Variants in SLC24A2 observed in about 807,000 individuals in gnomAD.
The protein encoded by SLC24A2 is solute carrier family 24 member 2, also known as sodium/potassium/calcium exchanger 2.
SLC24A2 carries 36 observed loss-of-function variants against 62.0 expected under a neutral mutation model. The observed-to-expected ratio is 0.58, with a 90% confidence interval of 0.44 to 0.77. The LOEUF is 0.77. Ranked by LOEUF, SLC24A2 falls within the 30% of genes least tolerant of loss-of-function variation. SLC24A2 has a pLI of 0.00. For synonymous variants in SLC24A2, 358 were observed against 294.0 expected (o/e 1.22, Z -2.23); for missense variants, 846 against 817.9 (o/e 1.03, Z -0.42).
At chr9:19,898,494 G>A in the SLC24A2 span, among the ~76,000 whole-genome samples, 9 of 152,172 alleles carry the variant, frequency 5.9e-5, no homozygotes, top group African/African-American at 1.9e-4. Context: ...TGTAATTCCA[G>A]CACTTTGGGA....
chr9:20,203,837 C>G, the SLC24A2 span, among the ~76,000 whole-genome samples: 1 of 152,184 alleles, frequency 6.6e-6, no homozygotes, highest in Non-Finnish European at 1.5e-5. Flanking sequence ...GCTGGGTTCG[C>G]CTATGGTATA....
chr9:20,088,411 A>T, the SLC24A2 span, among the ~76,000 whole-genome samples: 2 of 152,304 alleles, frequency 1.3e-5, no homozygotes, highest in South Asian at 4.1e-4. Context: ...CCTCCGACAC[A>T]GTGCAGCAGC....
rs1247832212 is a variant in SLC24A2, at chr9:19,511,291, CAG to C, written c.*4860_*4861del. The C allele has an allele frequency of 1.3e-5, 2 of 152,022 alleles. No individual in the cohort carries two copies. Among genetic ancestry groups the C allele is most frequent in the Non-Finnish European group, 2.9e-5 (2 of 68,028 alleles). The allele number at this position is 152,022 out of a possible 1,614,324, so 9.4% of individuals were successfully genotyped here. A position where few individuals can be genotyped will look rare whatever the true frequency, so the allele number is the denominator to read the frequency against. On this transcript the variant is annotated 3_prime_UTR_variant, in exon 11 of 11. Transcript: ENST00000341998. ...TGAGATTAAAAATGAAACGCAAAGA[CAG>C]AGGCAGAGGCAGAGTCAGGGAGCTA... is the stretch of plus-strand genomic sequence containing the variant.
chr9:19,695,679 C>CAAAAAAAAAA (rs66668393), intron 2 of SLC24A2, among the ~76,000 whole-genome samples: 3 of 73,536 alleles, frequency 4.1e-5, no homozygotes, highest in Admixed American at 1.8e-4. Flanking sequence ...TTGTTAGTAG[C>CAAAAAAAAAA]AAAAAAAAAA....
At chr9:20,131,759 T>G in the SLC24A2 span, among the ~76,000 whole-genome samples, 1 of 152,208 alleles carries the variant, frequency 6.6e-6, no homozygotes, top group East Asian at 1.9e-4. Context: ...TTTTCTTAAT[T>G]TATAAGCAGA....
chr9:19,731,777 G>T (rs1461566994), intron 2 of SLC24A2, among the ~76,000 whole-genome samples: 1 of 152,144 alleles, frequency 6.6e-6, no homozygotes, highest in African/African-American at 2.4e-5. Context: ...CAAGTACAGG[G>T]TTGACACCAA....
intron 2 of SLC24A2, among the ~76,000 whole-genome samples, chr9:19,712,223 A>C (rs1181562203): frequency 6.6e-6 from 1 of 152,186 alleles, no homozygotes; most frequent in South Asian, 2.1e-4. Context: ...TGGCTAGTAC[A>C]CTGGAGGAAC....
chr9:20,042,353 G>C, the SLC24A2 span, among the ~76,000 whole-genome samples: 1 of 152,212 alleles, frequency 6.6e-6, no homozygotes, highest in South Asian at 2.1e-4. Context: ...GAATATCTGA[G>C]AAAGCATCAA....
At chr9:20,196,599 C>T in the SLC24A2 span, among the ~76,000 whole-genome samples, 11 of 152,296 alleles carry the variant, frequency 7.2e-5, no homozygotes, top group East Asian at 1.7e-3. Flanking sequence ...TAAATATAAA[C>T]TCCCCTACAG....
the SLC24A2 span, among the ~76,000 whole-genome samples, chr9:19,979,003 T>A: frequency 6.6e-6 from 1 of 152,172 alleles, no homozygotes; most frequent in Non-Finnish European, 1.5e-5. Context: ...TGTGTTGGCA[T>A]GTGTGTGCTC....
At chr9:19,521,880 T>C (rs1052945636) in intron 9 of SLC24A2, among the ~76,000 whole-genome samples, 4 of 151,988 alleles carry the variant, frequency 2.6e-5, no homozygotes, top group Admixed American at 6.5e-5. Flanking sequence ...TTTTCTTTTT[T>C]TTTTTTTGGT....
At chr9:19,551,604 A>C (rs1414835461) in intron 7 of SLC24A2, among the ~76,000 whole-genome samples, 2 of 152,108 alleles carry the variant, frequency 1.3e-5, no homozygotes, top group Non-Finnish European at 2.9e-5. Flanking sequence ...AGACCATATA[A>C]ATAACTTTAG....
At chr9:19,675,854 C>A (rs1340878178) in intron 2 of SLC24A2, among the ~76,000 whole-genome samples, 1 of 152,298 alleles carries the variant, frequency 6.6e-6, no homozygotes, top group East Asian at 1.9e-4. Flanking sequence ...CTATTCACCC[C>A]CTCCCCTGAC....
the SLC24A2 span, among the ~76,000 whole-genome samples, chr9:19,901,233 A>G: frequency 6.6e-6 from 1 of 152,250 alleles, no homozygotes; most frequent in Admixed American, 6.5e-5. Flanking sequence ...AGAGATGTTT[A>G]CAAGATATAA....
At chr9:20,049,021 T>C in the SLC24A2 span, among the ~76,000 whole-genome samples, 2 of 152,340 alleles carry the variant, frequency 1.3e-5, no homozygotes, top group East Asian at 3.8e-4. Context: ...CATGTTGGTG[T>C]GCTGCACCCA....
the SLC24A2 span, among the ~76,000 whole-genome samples, chr9:19,889,574 T>G: frequency 6.6e-6 from 1 of 152,172 alleles, no homozygotes; most frequent in Admixed American, 6.5e-5. Context: ...GGGGTCCCCA[T>G]TGCTGCTTCC....
chr9:19,734,046 T>C (rs1301172356), intron 2 of SLC24A2, among the ~76,000 whole-genome samples: 1 of 152,172 alleles, frequency 6.6e-6, no homozygotes, highest in African/African-American at 2.4e-5. Flanking sequence ...AGAGACTAAA[T>C]AGAACAGTTT....
At chr9:20,117,654 G>T in the SLC24A2 span, among the ~76,000 whole-genome samples, 1 of 152,152 alleles carries the variant, frequency 6.6e-6, no homozygotes, top group Non-Finnish European at 1.5e-5. Context: ...ACTCAGAGAA[G>T]TCAACTAGCT....
intron 2 of SLC24A2, among the ~76,000 whole-genome samples, chr9:19,709,873 A>T: frequency 6.6e-6 from 1 of 152,108 alleles, no homozygotes; most frequent in East Asian, 1.9e-4. Context: ...CACATTGTGC[A>T]CATGTACCCT....
Sources: gnomAD v4.1 joint callset for allele counts (sites outside exome capture counted in the v4.1 genomes callset) on GRCh38, gnomAD v4.1.1 for gene constraint, MANE v1.5 for transcripts, NCBI Gene and HGNC (gene_info 2026-07-23, HGNC 2026-07-21) for gene names.